Variants in CEP112 observed in about 807,000 individuals in gnomAD.
CEP112 encodes the protein centrosomal protein of 112 kDa.
Under a neutral mutation model 153.0 loss-of-function variants are expected in CEP112, and 127 were observed. The observed-to-expected ratio is 0.83, with a 90% CI of 0.72 to 0.96. CEP112 has a LOEUF of 0.96. Among genes scored for constraint, CEP112 ranks in the 40% least tolerant of loss-of-function variants. The pLI, the probability that CEP112 is intolerant of heterozygous loss-of-function variation, is 0.00. For missense variants in CEP112, 1,089 were observed against 1,101.2 expected, an observed-to-expected ratio of 0.99 and a Z score of 0.16; for synonymous variants, 358 against 374.4, an observed-to-expected ratio of 0.96 and a Z score of 0.51.
At chr17:65,800,341 T>C (rs2055190094) in intron 21 of CEP112, among the ~76,000 whole-genome samples, 1 of 152,318 alleles carries the variant, frequency 6.6e-6, no homozygotes, top group South Asian at 2.1e-4. Flanking sequence ...GAACATTTCA[T>C]ATAAATGTAA....
At chr17:65,715,200 G>A (rs148722078) in intron 23 of CEP112, among the ~76,000 whole-genome samples, 1 of 152,254 alleles carries the variant, frequency 6.6e-6, no homozygotes, top group Non-Finnish European at 1.5e-5. Context: ...GGGGAAATAT[G>A]CTGAGTTCTA....
At chr17:65,673,261 T>C (rs1373655937) in intron 24 of CEP112, among the ~76,000 whole-genome samples, 1 of 152,304 alleles carries the variant, frequency 6.6e-6, no homozygotes, top group East Asian at 1.9e-4. Flanking sequence ...TTCCTCATCA[T>C]GTTGTCCTCT....
intron 4 of CEP112, among the ~76,000 whole-genome samples, chr17:66,152,984 C>T (rs1158025660): frequency 1.3e-5 from 2 of 152,106 alleles, no homozygotes; most frequent in Non-Finnish European, 1.5e-5. Flanking sequence ...CAATGAGATA[C>T]CACTGCATAC....
intron 12 of CEP112, among the ~76,000 whole-genome samples, chr17:66,045,009 A>C (rs556807717): frequency 6.6e-6 from 1 of 152,292 alleles, no homozygotes; most frequent in East Asian, 1.9e-4. Context: ...AAGGCCAAGA[A>C]ATGTAAGAGC....
At chr17:65,909,120 C>T (rs994854307) in intron 19 of CEP112, among the ~76,000 whole-genome samples, 24 of 152,084 alleles carry the variant, frequency 1.6e-4, no homozygotes, top group Non-Finnish European at 2.4e-4. Flanking sequence ...CTAATATACC[C>T]CAATAACATA....
chr17:65,736,917 A>C (rs2050836608), intron 23 of CEP112, among the ~76,000 whole-genome samples: 1 of 152,190 alleles, frequency 6.6e-6, no homozygotes, highest in African/African-American at 2.4e-5. Flanking sequence ...TCTGATCTAA[A>C]GCCTGGAGTC....
At chr17:65,707,917 ATAT>A (rs2048996853) in intron 23 of CEP112, among the ~76,000 whole-genome samples, 2 of 152,224 alleles carry the variant, frequency 1.3e-5, no homozygotes, top group African/African-American at 4.8e-5. Context: ...AGTCAAAAAT[ATAT>A]TATTAAGCAC....
chr17:66,170,832 T>C (rs1222882416), intron 4 of CEP112, among the ~76,000 whole-genome samples: 1 of 151,934 alleles, frequency 6.6e-6, no homozygotes, highest in Non-Finnish European at 1.5e-5. Flanking sequence ...AGATATATAA[T>C]AGCAATGCAA....
chr17:65,984,995 G>C (rs1181388523), intron 17 of CEP112, among the ~76,000 whole-genome samples: 2 of 152,104 alleles, frequency 1.3e-5, no homozygotes, highest in Admixed American at 1.3e-4. Context: ...GGTATCCCTA[G>C]GAGGAGAAGT....
At chr17:65,741,341 G>C (rs1227708412) in intron 23 of CEP112, among the ~76,000 whole-genome samples, 1 of 151,660 alleles carries the variant, frequency 6.6e-6, no homozygotes, top group Non-Finnish European at 1.5e-5. Context: ...TTTAATATAG[G>C]TTAGTAAAAA....
chr17:65,818,398 A>G (rs1215389114), intron 21 of CEP112, among the ~76,000 whole-genome samples: 5 of 151,926 alleles, frequency 3.3e-5, no homozygotes, highest in African/African-American at 1.2e-4. Context: ...CTTTAGAAAT[A>G]GAAAACTAGC....
intron 23 of CEP112, among the ~76,000 whole-genome samples, chr17:65,723,114 T>C (rs746819653): frequency 6.6e-6 from 1 of 152,230 alleles, no homozygotes; most frequent in Non-Finnish European, 1.5e-5. Context: ...CATCTTGTGA[T>C]GTTAATGACA....
chr17:66,057,027 C>T (rs1352484362), intron 11 of CEP112, among the ~76,000 whole-genome samples: 4 of 152,068 alleles, frequency 2.6e-5, no homozygotes, highest in Non-Finnish European at 5.9e-5. Flanking sequence ...TCATGAAAAG[C>T]CTTGTAAGTC....
intron 21 of CEP112, among the ~76,000 whole-genome samples, chr17:65,771,691 AAGAT>A (rs1214032435): frequency 1.3e-5 from 2 of 152,168 alleles, no homozygotes; most frequent in Non-Finnish European, 2.9e-5. Flanking sequence ...TGTAAAGTAA[AAGAT>A]AGACATATAC....
chr17:65,862,524 C>T (rs2058343722), intron 20 of CEP112, among the ~76,000 whole-genome samples: 1 of 152,094 alleles, frequency 6.6e-6, no homozygotes, highest in Non-Finnish European at 1.5e-5. Flanking sequence ...GGAGGCGGAG[C>T]TTGCAGTGAG....
intron 16 of CEP112, among the ~76,000 whole-genome samples, chr17:66,027,102 C>A (rs570682925): frequency 2.0e-5 from 3 of 152,236 alleles, no homozygotes; most frequent in South Asian, 4.2e-4. Flanking sequence ...CTTGGCTGGG[C>A]GCAATGGCTC....
chr17:65,987,377 CATGAAAAT>C (rs2063447517), intron 17 of CEP112, among the ~76,000 whole-genome samples: 1 of 151,060 alleles, frequency 6.6e-6, no homozygotes, highest in African/African-American at 2.4e-5. Context: ...AAAAACAACA[CATGAAAAT>C]ATGAGAAAGA....
intron 23 of CEP112, among the ~76,000 whole-genome samples, chr17:65,698,825 T>A (rs1324898784): frequency 6.6e-6 from 1 of 152,194 alleles, no homozygotes; most frequent in Non-Finnish European, 1.5e-5. Flanking sequence ...AAACTTGAGT[T>A]CAGTCTCTGT....
intron 23 of CEP112, among the ~76,000 whole-genome samples, chr17:65,703,752 C>A (rs1212571064): frequency 6.8e-6 from 1 of 147,996 alleles, no homozygotes; most frequent in African/African-American, 2.5e-5. Flanking sequence ...CCTTCTTTGT[C>A]CCCAAATGCT....
Sources: gnomAD v4.1 joint callset for allele counts (sites outside exome capture counted in the v4.1 genomes callset) on GRCh38, gnomAD v4.1.1 for gene constraint, MANE v1.5 for transcripts, NCBI Gene and HGNC (gene_info 2026-07-23, HGNC 2026-07-21) for gene names.